Variants in AMDHD1 observed in about 807,000 individuals in gnomAD.
The protein encoded by AMDHD1 is probable imidazolonepropionase.
AMDHD1 carries 45 observed loss-of-function variants against 44.1 expected under a neutral mutation model. That is an observed-to-expected ratio of 1.02 (90% CI 0.80 to 1.31). The LOEUF (loss-of-function observed/expected upper bound fraction) is 1.31, where lower values mean the gene tolerates loss of function less well. AMDHD1 is among the 50% of genes most tolerant of loss of function. AMDHD1 has a pLI of 0.00. For synonymous variants in AMDHD1, 206 were observed against 205.0 expected, an observed-to-expected ratio of 1.00 and a Z score of -0.04; for missense variants, 586 against 552.1, an observed-to-expected ratio of 1.06 and a Z score of -0.61.
chr12:95,950,142 C>G (rs890500248), intron 1 of AMDHD1, among the ~76,000 whole-genome samples: 2 of 152,160 alleles, frequency 1.3e-5, no homozygotes, highest in African/African-American at 4.8e-5. Flanking sequence ...TCTAATCCTG[C>G]CGGTCCTTTC....
intron 1 of AMDHD1, among the ~76,000 whole-genome samples, chr12:95,944,383 C>T (rs1304508708): frequency 7.0e-6 from 1 of 143,876 alleles, no homozygotes; most frequent in Non-Finnish European, 1.5e-5. Flanking sequence ...TTTTGAGACG[C>T]ATGAGCCACT....
At chr12:95,967,578 G>A (rs1042886574) in intron 8 of AMDHD1, among the ~76,000 whole-genome samples, 178 bp from the exon 9 acceptor site, 4 of 152,182 alleles carry the variant, frequency 2.6e-5, no homozygotes, top group Non-Finnish European at 5.9e-5. Flanking sequence ...ATTAAACAAT[G>A]TTTGATTTAC....
intron 5 of AMDHD1, among the ~76,000 whole-genome samples, chr12:95,961,429 G>T (rs1276202088): frequency 6.6e-6 from 1 of 152,122 alleles, no homozygotes; most frequent in Non-Finnish European, 1.5e-5. Context: ...ACTGTTTTAG[G>T]CATTGAGAAA....
intron 1 of AMDHD1, among the ~76,000 whole-genome samples, chr12:95,945,805 A>G (rs147603038): frequency 0.015 from 2,322 of 151,958 alleles, 62 homozygotes; most frequent in African/African-American, 0.052. Context: ...CCCAACAAGT[A>G]TATACATACC....
chr12:95,956,745 G>A lies in AMDHD1; in HGVS notation c.370G>A (p.Glu124Lys). ...QAGGGIHFTV[E>K]RTRQATEEEL... is the part of the protein sequence containing the mutation. ...CGGAGGAGGGATCCACTTTACCGTG[G>A]AGCGCACGCGCCAAGCCACAGAGGA... is the stretch of plus-strand genomic sequence containing the variant. Residue 124 changes from glutamate (E) to lysine (K), a missense_variant, in exon 4 of 9, where the codon GAG becomes AAG. Transcript: ENST00000266736. 1 of 1,614,192 alleles carries A rather than the reference G, an allele frequency of 6.2e-7. No individual in the cohort carries two copies. Among genetic ancestry groups the A allele is most frequent in the South Asian group, 1.1e-5 (1 of 91,088 alleles).
chr12:95,960,584 C>A lies in AMDHD1; in HGVS notation c.774C>A (p.Asn258Lys), dbSNP rs1565978655. The A allele has an allele frequency of 6.2e-7, 1 of 1,614,230 alleles. No homozygotes were observed. Among genetic ancestry groups the A allele is most frequent in the East Asian group, 2.2e-5 (1 of 44,888 alleles). The change falls in exon 5 of 9, where the codon AAC (asparagine) becomes AAA (lysine). Residue 258 changes from asparagine to lysine, a missense_variant. Asn to Lys is a moderately conservative substitution (Grantham distance 94, BLOSUM62 0). Transcript: ENST00000266736. ...GAAAAGATATAGGGTTACAGATTAA[C>A]TTCCATGGGGATGAACTCCACCCGA... is the stretch of plus-strand genomic sequence containing the variant. ...QRGKDIGLQI[N>K]FHGDELHPMK...
chr12:95,964,519 G>C lies in AMDHD1; in HGVS notation c.939-1167G>C, dbSNP rs75231851. On this transcript the variant is annotated intron_variant, in intron 6 of 8. Coordinates refer to ENST00000266736, the MANE Select transcript of AMDHD1 (RefSeq NM_152435.3). ...TTTTACCCCTAAGTATTTATGGAAG[G>C]GGGGGAGGGCCATTCAAATGACTTG... Among the ~76,000 whole-genome samples the C allele has an allele frequency of 0.03, 4,556 of 152,134 alleles. 458 individuals carry two copies. The East Asian group carries it at 0.39, about 13-fold the overall frequency.
At chr12:95,945,512 A>G (rs2080491369) in intron 1 of AMDHD1, among the ~76,000 whole-genome samples, 1 of 152,248 alleles carries the variant, frequency 6.6e-6, no homozygotes. Flanking sequence ...GCTTTGAAAT[A>G]TATCTCCCAC....
chr12:95,959,761 C>T (rs531350843), intron 4 of AMDHD1, among the ~76,000 whole-genome samples: 4 of 148,478 alleles, frequency 2.7e-5, no homozygotes, highest in African/African-American at 9.9e-5. Flanking sequence ...CCAGGATGCC[C>T]TCTGAGTGTC....
intron 4 of AMDHD1, among the ~76,000 whole-genome samples, chr12:95,957,678 C>T (rs761613327): frequency 1.7e-4 from 26 of 152,192 alleles, no homozygotes; most frequent in Non-Finnish European, 2.5e-4. Flanking sequence ...TATAATACTA[C>T]AGACTTACAA....
At chr12:95,966,889 T>C (rs970946680) in intron 8 of AMDHD1, among the ~76,000 whole-genome samples, 3 of 152,228 alleles carry the variant, frequency 2.0e-5, no homozygotes, top group African/African-American at 4.8e-5. Flanking sequence ...TGATTTCTCA[T>C]GCCGACTGGC....
Position 95,943,450 on chromosome 12 carries a change from G to A in AMDHD1, c.52G>A (p.Val18Met). ...LLENAQQVVL[V>M]CARGERFLAR... ...GGAGAACGCGCAGCAAGTGGTGCTG[G>A]TGTGCGCCCGCGGCGAGCGCTTCCT... The change falls in exon 1 of 9, where the codon GTG becomes ATG. Residue 18 changes from valine to methionine, a missense_variant. Transcript: ENST00000266736. The A allele has an allele frequency of 6.6e-7, 1 of 1,505,656 alleles. No individual in the cohort carries two copies. 93.3% of individuals were successfully genotyped at this position (1,505,656 alleles called of 1,614,324 possible). A position where few individuals can be genotyped will look rare whatever the true frequency, so the allele number is the denominator to read the frequency against.
chr12:95,944,396 G>A (rs1221728585), intron 1 of AMDHD1, among the ~76,000 whole-genome samples: 1 of 150,696 alleles, frequency 6.6e-6, no homozygotes, highest in Non-Finnish European at 1.5e-5. Context: ...GAGCCACTGC[G>A]CCCAGCCTAT....
At chr12:95,957,600 T>C (rs4762653) in intron 4 of AMDHD1, among the ~76,000 whole-genome samples, 81,276 of 151,964 alleles carry the variant, frequency 0.53, 22,355 homozygotes, top group African/African-American at 0.66. Flanking sequence ...AATCCAGGAC[T>C]TGAACATGCA....
chr12:95,944,024 T>A (rs948378622), intron 1 of AMDHD1, among the ~76,000 whole-genome samples: 2 of 152,146 alleles, frequency 1.3e-5, no homozygotes, highest in African/African-American at 2.4e-5. Context: ...ACACTAAAGC[T>A]TTAGAACCAC....
intron 1 of AMDHD1, among the ~76,000 whole-genome samples, chr12:95,950,336 T>G (rs1178197871): frequency 1.3e-5 from 2 of 152,222 alleles, no homozygotes. Context: ...TCATAACATC[T>G]TCTCTTTCCA....
At chr12:95,961,881 C>A (rs2080583633) in intron 5 of AMDHD1, among the ~76,000 whole-genome samples, 2 of 152,190 alleles carry the variant, frequency 1.3e-5, no homozygotes, top group Admixed American at 1.3e-4. Flanking sequence ...AAATGAGTGC[C>A]CATTACAAAC....
At chr12:95,961,798 T>G (rs1407739945) in intron 5 of AMDHD1, among the ~76,000 whole-genome samples, 1 of 152,264 alleles carries the variant, frequency 6.6e-6, no homozygotes, top group Non-Finnish European at 1.5e-5. Flanking sequence ...TTCATAAAGT[T>G]TTCTGTTTCA....
chr12:95,949,997 C>T (rs2080519221), intron 1 of AMDHD1, among the ~76,000 whole-genome samples: 1 of 152,228 alleles, frequency 6.6e-6, no homozygotes, highest in Non-Finnish European at 1.5e-5. Context: ...AATTCACCTC[C>T]TGCACAGACG....
Sources: allele counts gnomAD v4.1 joint callset (sites outside exome capture counted in the v4.1 genomes callset), GRCh38; gene constraint gnomAD v4.1.1; transcripts MANE v1.5; gene names NCBI Gene and HGNC (gene_info 2026-07-23, HGNC 2026-07-21).